Variants in RHOH observed in about 807,000 individuals in gnomAD.
The protein encoded by RHOH is ras homolog family member H.
RHOH carries 6 observed loss-of-function variants against 13.8 expected under a neutral mutation model. The ratio of observed to expected loss-of-function variants is 0.44; its 90% CI spans 0.24 to 0.86. The LOEUF (loss-of-function observed/expected upper bound fraction) is 0.86, where lower values mean the gene tolerates loss of function less well. RHOH is among the 40% of genes least tolerant of loss of function. RHOH has a pLI of 0.24. For synonymous variants in RHOH, 117 were observed against 103.0 expected (o/e 1.14, Z -0.82); for missense variants, 147 against 244.5 (o/e 0.60, Z 2.66).
At chr4:40,237,409 C>T (rs543443379) in intron 1 of RHOH, among the ~76,000 whole-genome samples, 1 of 151,786 alleles carries the variant, frequency 6.6e-6, no homozygotes, top group Admixed American at 6.6e-5. Flanking sequence ...GAGCCAATAT[C>T]GTGCCACTGC....
rs142735290 is a variant in RHOH, at chr4:40,198,447, A to T, written c.-331+1147A>T. Among the ~76,000 whole-genome samples the T allele has an allele frequency of 1.6e-3, 240 of 152,314 alleles. 3 individuals carry two copies. The highest frequency in any genetic ancestry group is 5.3e-3 in the African/African-American group (222 of 41,562). ...ACCTTGCAGGCACTGGGGAGAAGTGACCCCATTCAATAGTCCTTGGTCTCC... is the reference window on the plus strand; with the variant it reads ...ACCTTGCAGGCACTGGGGAGAAGTGTCCCCATTCAATAGTCCTTGGTCTCC... On this transcript the variant is annotated intron_variant, in intron 1 of 2. Transcript: ENST00000381799.
chr4:40,228,869 T>C (rs565854407), intron 1 of RHOH, among the ~76,000 whole-genome samples: 1 of 152,286 alleles, frequency 6.6e-6, no homozygotes, highest in Admixed American at 6.5e-5. Flanking sequence ...TTGAGTTTCT[T>C]TTCTTTTTAA....
chr4:40,221,665 C>G (rs755512925), intron 1 of RHOH, among the ~76,000 whole-genome samples: 3 of 152,182 alleles, frequency 2.0e-5, no homozygotes, highest in Non-Finnish European at 4.4e-5. Context: ...CTCTTCCTCC[C>G]TTTGGGCCTC....
At chr4:40,204,748 T>C (rs1446956373) in intron 1 of RHOH, among the ~76,000 whole-genome samples, 1 of 152,210 alleles carries the variant, frequency 6.6e-6, no homozygotes, top group Admixed American at 6.5e-5. Flanking sequence ...GAGGGTAAGA[T>C]GGCGGATACA....
chr4:40,208,533 CTAAA>C (rs887494690), intron 1 of RHOH, among the ~76,000 whole-genome samples: 210 of 152,248 alleles, frequency 1.4e-3, no homozygotes, highest in African/African-American at 4.7e-3. Flanking sequence ...GGAAAACGAG[CTAAA>C]TATTCCTTCT....
intron 1 of RHOH, among the ~76,000 whole-genome samples, chr4:40,213,265 T>C (rs2109411731): frequency 6.6e-6 from 1 of 152,122 alleles, no homozygotes; most frequent in African/African-American, 2.4e-5. Context: ...CTAACTATGA[T>C]AGTGAAAGTT....
intron 1 of RHOH, among the ~76,000 whole-genome samples, chr4:40,228,699 C>T (rs1436523043): frequency 6.6e-6 from 1 of 152,098 alleles, no homozygotes; most frequent in Non-Finnish European, 1.5e-5. Context: ...ACAAAGGCTA[C>T]GTTTACGTCT....
At chr4:40,214,933 T>C (rs1579269623) in intron 1 of RHOH, among the ~76,000 whole-genome samples, 1 of 152,300 alleles carries the variant, frequency 6.6e-6, no homozygotes, top group East Asian at 1.9e-4. Context: ...GTGTTGATGG[T>C]ATTCTAGTCC....
Position 40,245,592 on chromosome 4 carries a change from T to C in RHOH, c.*1630T>C, listed in dbSNP as rs1729720093. The C allele has an allele frequency of 1.3e-5, 2 of 150,394 alleles. No individual in the cohort carries two copies. The highest frequency in any genetic ancestry group is 2.9e-5 in the Non-Finnish European group (2 of 67,828). The allele number at this position is 150,394 out of a possible 1,614,324, so 9.3% of individuals were successfully genotyped here. A position where few individuals can be genotyped will look rare whatever the true frequency, so the allele number is the denominator to read the frequency against. ...GAAAGAAATTGCAAAGGCTGGCACCTAGATAGATCAATCAATTACTGCCCT... is the reference window on the plus strand; with the variant it reads ...GAAAGAAATTGCAAAGGCTGGCACCCAGATAGATCAATCAATTACTGCCCT... On this transcript the variant is annotated 3_prime_UTR_variant, in exon 3 of 3. Coordinates refer to ENST00000381799, the MANE Select transcript of RHOH (RefSeq NM_004310.5).
At chr4:40,200,733 C>T (rs1394143922) in intron 1 of RHOH, among the ~76,000 whole-genome samples, 3 of 152,142 alleles carry the variant, frequency 2.0e-5, no homozygotes, top group Admixed American at 6.5e-5. Flanking sequence ...CAGTCATACC[C>T]GCATTTTAAC....
chr4:40,219,181 G>A (rs891607398), intron 1 of RHOH, among the ~76,000 whole-genome samples: 2 of 152,092 alleles, frequency 1.3e-5, no homozygotes, highest in Non-Finnish European at 2.9e-5. Flanking sequence ...GGAGGCCAAG[G>A]TGGGTGGATC....
Position 40,215,781 on chromosome 4 carries a change from G to T in RHOH, c.-331+18481G>T, listed in dbSNP as rs193239288. 4.1e-3 allele frequency among the ~76,000 whole-genome samples: 621 copies of T among 152,270 alleles called. 20 individuals are homozygous for T. The highest frequency in any genetic ancestry group is 0.039 in the Admixed American group (597 of 15,294). On this transcript the variant is annotated intron_variant, in intron 1 of 2. Coordinates refer to ENST00000381799, the MANE Select transcript of RHOH (RefSeq NM_004310.5). ...CTAAAAATGCAAAAATTAGCCTGGT[G>T]TGGTGGTGCATGCCTGTAATCCCAG...
chr4:40,204,409 A>G (rs543765807), intron 1 of RHOH, among the ~76,000 whole-genome samples: 1 of 152,160 alleles, frequency 6.6e-6, no homozygotes, highest in African/African-American at 2.4e-5. Context: ...TGACTATTCT[A>G]TTCCCCACCT....
chr4:40,243,481 C>T lies in RHOH; in HGVS notation c.95C>T (p.Ala32Val). Residue 32 changes from alanine to valine, a missense_variant, in exon 3 of 3, where the codon GCC (alanine) becomes GTC (valine). By Grantham distance (64) the Ala-to-Val change is moderately conservative (BLOSUM62 0). This residue lies in a region of RHOH where 80 missense variants were observed against 152.0 expected (regional missense o/e 0.53). Coordinates refer to ENST00000381799, the MANE Select transcript of RHOH (RefSeq NM_004310.5). The surrounding 1 kb of genome is among the most constrained non-coding windows in gnomAD (Gnocchi z 6.2). ...VRFTSETFPE[A>V]YKPTVYENTG... ...TTCACCTCCGAGACCTTCCCGGAGG[C>T]CTACAAGCCCACAGTGTACGAGAAC... 2 of 1,613,922 alleles carry T rather than the reference C, an allele frequency of 1.2e-6. No individual in the cohort carries two copies. Among genetic ancestry groups the T allele is most frequent in the Admixed American group, 3.3e-5 (2 of 60,002 alleles).
At chr4:40,209,262 C>T (rs954923670) in intron 1 of RHOH, among the ~76,000 whole-genome samples, 3 of 152,064 alleles carry the variant, frequency 2.0e-5, no homozygotes, top group East Asian at 3.9e-4. Flanking sequence ...GCATAGAAAA[C>T]GACTTTTAGT....
At chr4:40,216,525 T>G (rs183762815) in intron 1 of RHOH, among the ~76,000 whole-genome samples, 1 of 152,280 alleles carries the variant, frequency 6.6e-6, no homozygotes, top group Admixed American at 6.5e-5. Flanking sequence ...AAAATATGAT[T>G]CTTTAGGCAA....
intron 1 of RHOH, among the ~76,000 whole-genome samples, chr4:40,223,600 G>A (rs1726852891): frequency 1.3e-5 from 2 of 150,484 alleles, no homozygotes; most frequent in Non-Finnish European, 3.0e-5. Flanking sequence ...GAGTAGCTGG[G>A]ATTACAAGTG....
chr4:40,193,848 G>A (rs1397167841), upstream of RHOH: 3 of 152,242 alleles, frequency 2.0e-5, no homozygotes, highest in Non-Finnish European at 4.4e-5. Flanking sequence ...TTCCAGGATG[G>A]GGTGGGACAC....
intron 1 of RHOH, among the ~76,000 whole-genome samples, chr4:40,224,500 C>T (rs560346562): frequency 6.6e-6 from 1 of 152,298 alleles, no homozygotes; most frequent in East Asian, 1.9e-4. Context: ...TGCAAGGGGT[C>T]CCCCCTAAGT....
Sources: gnomAD v4.1 joint callset for allele counts (sites outside exome capture counted in the v4.1 genomes callset) on GRCh38, gnomAD v4.1.1 for gene constraint, gnomAD v4.1.1 regional missense constraint, Gnocchi (gnomAD v3.1) non-coding constraint, MANE v1.5 for transcripts, NCBI Gene and HGNC (gene_info 2026-07-23, HGNC 2026-07-21) for gene names.